The following PCDH15 variants were observed in gnomAD, a reference collection of about 807,000 sequenced individuals.
The protein encoded by PCDH15 is protocadherin-15.
PCDH15 carries 129 observed loss-of-function variants against 178.5 expected under a neutral mutation model. That is an observed-to-expected ratio of 0.72 (90% CI 0.63 to 0.84). PCDH15 has a LOEUF of 0.84. Ranked by LOEUF, PCDH15 falls within the 40% of genes least tolerant of loss-of-function variation. PCDH15 has a pLI of 0.00. For missense variants in PCDH15, 2,230 were observed against 2,099.9 expected (o/e 1.06, Z -1.21); for synonymous variants, 800 against 732.0 (o/e 1.09, Z -1.50).
chr10:54,756,721 A>T (rs1216208759), intron 1 of PCDH15, among the ~76,000 whole-genome samples: 1 of 1,958 alleles, frequency 5.1e-4, no homozygotes, highest in Non-Finnish European at 1.9e-3. Flanking sequence ...TGTATGTGAA[A>T]GAGAGAGAGA....
chr10:55,099,856 A>C (rs532814360), intron 2 of PCDH15, among the ~76,000 whole-genome samples: 1 of 152,266 alleles, frequency 6.6e-6, no homozygotes, highest in Non-Finnish European at 1.5e-5. Context: ...AGCAGTGGAT[A>C]TACACAAATC....
chr10:54,020,293 C>T lies in PCDH15; in HGVS notation c.2650G>A (p.Ala884Thr), dbSNP rs1237868455. The T allele has an allele frequency of 2.5e-6, 4 of 1,613,712 alleles. No individual in the cohort carries two copies. The highest frequency in any genetic ancestry group is 1.1e-5 in the South Asian group (1 of 91,072). The change falls in exon 20 of 38, where the codon GCA (alanine) becomes ACA (threonine). Residue 884 changes from alanine to threonine, a missense_variant. Physicochemically the swap from Ala to Thr is moderately conservative, Grantham distance 58 (BLOSUM62 0). Transcript: ENST00000644397. Reference protein sequence around the residue: ...LSLLRSLDYEAFPDQEASITF... With the variant: ...LSLLRSLDYETFPDQEASITF... ...ATACTTGCTTCTTGGTCTGGAAATG[C>T]CTCATAATCTAAACTCCTTAAAAGC...
chr10:55,459,033 G>A (rs1355007096), intron 2 of PCDH15, among the ~76,000 whole-genome samples: 1 of 151,928 alleles, frequency 6.6e-6, no homozygotes, highest in Non-Finnish European at 1.5e-5. Flanking sequence ...GAATGAGGAT[G>A]CACAATTGCT....
intron 1 of PCDH15, among the ~76,000 whole-genome samples, chr10:54,684,215 G>A (rs1209674738): frequency 6.6e-6 from 1 of 151,838 alleles, no homozygotes; most frequent in African/African-American, 2.4e-5. Flanking sequence ...ACTGAAGTAT[G>A]ATTTGTAATA....
chr10:53,901,369 A>AT (rs1400755962), intron 26 of PCDH15, among the ~76,000 whole-genome samples: 1 of 151,970 alleles, frequency 6.6e-6, no homozygotes, highest in Non-Finnish European at 1.5e-5. Context: ...GTCATTCTTG[A>AT]TTTTTCCTAA....
At chr10:54,826,785 C>T (rs1055208540) in intron 3 of PCDH15, among the ~76,000 whole-genome samples, 1 of 151,902 alleles carries the variant, frequency 6.6e-6, no homozygotes, top group East Asian at 1.9e-4. Flanking sequence ...TCCTAAATTA[C>T]CAAAGATGGG....
At chr10:54,953,556 C>T (rs148977246) in intron 2 of PCDH15, among the ~76,000 whole-genome samples, 42 of 151,382 alleles carry the variant, frequency 2.8e-4, no homozygotes, top group African/African-American at 9.2e-4. Context: ...CTGGGCTCTC[C>T]GGTTAGCATT....
At chr10:54,981,304 T>C (rs1839226049) in intron 2 of PCDH15, among the ~76,000 whole-genome samples, 1 of 152,152 alleles carries the variant, frequency 6.6e-6, no homozygotes, top group Non-Finnish European at 1.5e-5. Context: ...GTCCTTGCCA[T>C]ACCAAATTCC....
At chr10:54,309,625 C>A (rs2060777081) in intron 8 of PCDH15, among the ~76,000 whole-genome samples, 1 of 151,836 alleles carries the variant, frequency 6.6e-6, no homozygotes, top group African/African-American at 2.4e-5. Flanking sequence ...GAAACCCTGT[C>A]TCAACTGAAA....
chr10:54,082,023 A>T (rs2094443738), intron 16 of PCDH15, among the ~76,000 whole-genome samples: 1 of 152,170 alleles, frequency 6.6e-6, no homozygotes, highest in South Asian at 2.1e-4. Flanking sequence ...ACTCTGTGGC[A>T]TTTTGACTTG....
At chr10:54,234,348 T>C (rs1285182050) in intron 9 of PCDH15, among the ~76,000 whole-genome samples, 1 of 152,188 alleles carries the variant, frequency 6.6e-6, no homozygotes, top group Non-Finnish European at 1.5e-5. Context: ...GATCAAATTC[T>C]CACAACCCTT....
chr10:54,158,154 A>G (rs1411704995), intron 13 of PCDH15, among the ~76,000 whole-genome samples: 1 of 152,156 alleles, frequency 6.6e-6, no homozygotes, highest in Non-Finnish European at 1.5e-5. Context: ...TGTTTTCAGC[A>G]TCACCCCACT....
chr10:54,339,931 G>A (rs12260370), intron 6 of PCDH15, among the ~76,000 whole-genome samples: 11 of 152,012 alleles, frequency 7.2e-5, no homozygotes, highest in Non-Finnish European at 1.5e-4. Context: ...CTGCTCCTTG[G>A]TTATAAAGTC....
chr10:54,949,079 CTA>C (rs1838265853), intron 2 of PCDH15, among the ~76,000 whole-genome samples: 1 of 151,700 alleles, frequency 6.6e-6, no homozygotes, highest in African/African-American at 2.4e-5. Context: ...ATAATAATAT[CTA>C]TTACTAAAAT....
At chr10:54,640,540 A>G (rs1182425397) in intron 2 of PCDH15, among the ~76,000 whole-genome samples, 3 of 152,142 alleles carry the variant, frequency 2.0e-5, no homozygotes, top group African/African-American at 7.2e-5. Flanking sequence ...ATACTAAGTG[A>G]TGTCACCCTG....
chr10:53,835,036 C>A (rs1430476212), intron 29 of PCDH15, among the ~76,000 whole-genome samples: 1 of 152,150 alleles, frequency 6.6e-6, no homozygotes, highest in East Asian at 1.9e-4. Context: ...CTTAATCAAG[C>A]AAATCATGGT....
intron 1 of PCDH15, among the ~76,000 whole-genome samples, chr10:54,767,700 C>T (rs1226071882): frequency 6.6e-6 from 1 of 152,050 alleles, no homozygotes; most frequent in Admixed American, 6.6e-5. Context: ...ATATACCTCC[C>T]CCAAGCACTA....
intron 8 of PCDH15, among the ~76,000 whole-genome samples, chr10:54,315,948 G>A (rs368367540): frequency 1.1e-5 from 1 of 93,832 alleles, no homozygotes; most frequent in Non-Finnish European, 2.5e-5. Context: ...TTGTTTGTTT[G>A]TTTGTTTTTG....
chr10:54,153,330 C>A, intron 13 of PCDH15, 37 bp from the exon 14 acceptor site: 1 of 1,609,322 alleles, frequency 6.2e-7, no homozygotes, highest in Non-Finnish European at 8.5e-7. Context: ...CCTCTTGGGT[C>A]TCAACTTTTC....
Sources: gnomAD v4.1 joint callset for allele counts (sites outside exome capture counted in the v4.1 genomes callset) on GRCh38, gnomAD v4.1.1 for gene constraint, MANE v1.5 for transcripts, NCBI Gene and HGNC (gene_info 2026-07-23, HGNC 2026-07-21) for gene names.